Variants in LONRF3 observed in about 807,000 individuals in gnomAD.
LONRF3 encodes LON peptidase N-terminal domain and ring finger 3.
Under a neutral mutation model 51.7 loss-of-function variants are expected in LONRF3, and 19 were observed. The observed-to-expected ratio is 0.37, with a 90% CI of 0.26 to 0.54. The LOEUF (loss-of-function observed/expected upper bound fraction) is 0.54. Ranked by LOEUF, LONRF3 falls within the 20% of genes least tolerant of loss-of-function variation. The pLI is 0.86. For missense variants in LONRF3, 521 were observed against 623.9 expected (o/e 0.84, Z 1.76); for synonymous variants, 265 against 257.8 (o/e 1.03, Z -0.27).
chrX:119,004,355 C>T (rs930975272), intron 5 of LONRF3, among the ~76,000 whole-genome samples: 2 of 112,487 alleles, frequency 1.8e-5, no homozygotes, highest in African/African-American at 6.5e-5. Flanking sequence ...AAAAATATCC[C>T]ATTTCTGCTG....
intron 2 of LONRF3, among the ~76,000 whole-genome samples, chrX:118,981,433 C>T (rs183127586): frequency 4.9e-5 from 5 of 101,676 alleles, no homozygotes; most frequent in African/African-American, 7.4e-5. Flanking sequence ...TGTAGTGAGC[C>T]GAGATCCACC....
At chrX:119,001,460 A>G (rs988541840) in intron 5 of LONRF3, among the ~76,000 whole-genome samples, 4 of 112,489 alleles carry the variant, frequency 3.6e-5, no homozygotes, top group African/African-American at 1.3e-4. Flanking sequence ...TCTCAATAGT[A>G]TAATGAAGCT....
chrX:118,999,507 TGC>T (rs1361088017), intron 5 of LONRF3, among the ~76,000 whole-genome samples: 1 of 112,111 alleles, frequency 8.9e-6, no homozygotes, highest in Admixed American at 9.4e-5. Context: ...GTCTTTGTTG[TGC>T]GTATCCTTCT....
chrX:118,984,018 C>G (rs965925975), intron 3 of LONRF3, among the ~76,000 whole-genome samples: 2 of 111,692 alleles, frequency 1.8e-5, no homozygotes, highest in African/African-American at 6.5e-5. Flanking sequence ...TAAGTGTAGT[C>G]CATGATGTAA....
chrX:119,012,013 T>G, intron 8 of LONRF3, 40 bp downstream of exon 8: 2 of 1,196,715 alleles, frequency 1.7e-6, no homozygotes, highest in Non-Finnish European at 2.3e-6. Flanking sequence ...GGTTGTGTAA[T>G]GAGGGATTTC....
chrX:118,978,556 C>A, intron 2 of LONRF3, 93 bp downstream of exon 2: 1 of 541,897 alleles, frequency 1.8e-6, no homozygotes, highest in Non-Finnish European at 3.1e-6. Context: ...GGCACTAGAG[C>A]TCAAGCAGAA....
At position 119,009,245 on chromosome X, in the gene LONRF3, T is replaced by C. The variant is rs369418280; in HGVS notation, c.1650T>C (p.Ser550=). 6.6e-6 allele frequency: 8 copies of C among 1,204,352 alleles called. No homozygotes were observed. The highest frequency in any genetic ancestry group is 3.0e-5 in the East Asian group (1 of 33,643). The change falls in exon 7 of 11, where the codon TCT becomes TCC. Residue 550 remains serine, a splice_region_variant and synonymous_variant. Coordinates refer to ENST00000371628, the MANE Select transcript of LONRF3 (RefSeq NM_001031855.3). ...ATGAAGAGGAAATGGAAGAACTTTC[T>C]AAGTATGTATATGCATATTTCTGTT... ...KLYEEEMEEL[S]NLNKNVPIFV... is the part of the protein sequence containing the mutation.
chrX:119,006,790 G>A (rs1001217169), intron 6 of LONRF3, among the ~76,000 whole-genome samples: 2 of 110,659 alleles, frequency 1.8e-5, no homozygotes, highest in Admixed American at 1.9e-4. Context: ...GGGTTTCACC[G>A]TGTTAACCAG....
intron 5 of LONRF3, among the ~76,000 whole-genome samples, chrX:118,994,346 G>A (rs1923677549): frequency 9.0e-6 from 1 of 111,161 alleles, no homozygotes; most frequent in African/African-American, 3.3e-5. Flanking sequence ...AAAAAAAGGC[G>A]TTTCATGCAA....
In LONRF3 at chrX:118,986,236, C is replaced by T. The variant is rs1207989412; in HGVS notation, c.1060-3172C>T. On this transcript the variant is annotated intron_variant, in intron 3 of 10. Transcript: ENST00000371628. ...CCAGCAAGAGACTGGAACCTCCTTG[C>T]GCCTAGTACTTAAACTTAACCTAAC... 2.7e-5 allele frequency among the ~76,000 whole-genome samples: 3 copies of T among 111,749 alleles called. No individual in the cohort carries two copies. The Admixed American group carries it at 2.9e-4, about 11-fold the overall frequency.
Position 118,999,865 on chromosome X carries a change from T to A in LONRF3, c.1416-6256T>A, listed in dbSNP as rs180948625. On this transcript the variant is annotated intron_variant, in intron 5 of 10. Transcript: ENST00000371628. ...GTAGCCATTGCATACACTGCTAAGT[T>A]ATAGCTGGCCTCTCACTGCTTGATG... is the stretch of plus-strand genomic sequence containing the variant. 3.6e-5 allele frequency among the ~76,000 whole-genome samples: 4 copies of A among 112,118 alleles called. No individual in the cohort carries two copies. In the East Asian group the frequency reaches 1.1e-3, roughly 32 times the overall value.
intron 4 of LONRF3, 24 bp downstream of exon 4, chrX:118,989,696 G>A: frequency 1.3e-5 from 15 of 1,194,971 alleles, no homozygotes; most frequent in Non-Finnish European, 1.7e-5. Flanking sequence ...CCAGAGAGAA[G>A]GTAGCTTGGA....
intron 2 of LONRF3, 96 bp downstream of exon 2, chrX:118,978,559 A>C: frequency 2.4e-5 from 13 of 532,686 alleles, no homozygotes; most frequent in Non-Finnish European, 4.1e-5. Context: ...ACTAGAGCTC[A>C]AGCAGAACAG....
intron 5 of LONRF3, among the ~76,000 whole-genome samples, chrX:118,995,244 G>C (rs1923787961): frequency 8.9e-6 from 1 of 112,296 alleles, no homozygotes; most frequent in Admixed American, 9.4e-5. Context: ...AATGAGCGTT[G>C]TGTCAAAAAC....
chrX:118,987,773 A>G (rs1000333328), intron 3 of LONRF3, among the ~76,000 whole-genome samples: 4 of 111,078 alleles, frequency 3.6e-5, no homozygotes, highest in Non-Finnish European at 7.5e-5. Flanking sequence ...TATCCTGTGC[A>G]AAGACAACTC....
intron 5 of LONRF3, among the ~76,000 whole-genome samples, chrX:118,992,093 G>A (rs1923470978): frequency 8.9e-6 from 1 of 111,949 alleles, no homozygotes; most frequent in African/African-American, 3.3e-5. Context: ...AAATTAAGAC[G>A]GTTGGCAGGC....
At position 118,996,748 on chromosome X, in the gene LONRF3, C is replaced by T. The variant is rs186822789; in HGVS notation, c.1415+6188C>T. ...CCATCCTGGCTACCACAAAGAAATC[C>T]TGTCTCTACTAAAAATACAAAAAAT... On this transcript the variant is annotated intron_variant, in intron 5 of 10. Transcript: ENST00000371628. 2.4e-3 allele frequency among the ~76,000 whole-genome samples: 259 copies of T among 109,754 alleles called. 1 individual carries two copies. Among genetic ancestry groups the T allele is most frequent in the African/African-American group, 7.9e-3 (239 of 30,202 alleles).
chrX:119,000,875 C>A lies in LONRF3; in HGVS notation c.1416-5246C>A, dbSNP rs1045449511. 1.5e-4 allele frequency among the ~76,000 whole-genome samples: 16 copies of A among 104,293 alleles called. No homozygotes were observed. In the Admixed American group the frequency reaches 1.7e-3, roughly 11 times the overall value. The allele number at this position is 104,293 out of a possible 115,157, so 90.6% of individuals were successfully genotyped here. On this transcript the variant is annotated intron_variant, in intron 5 of 10. Transcript: ENST00000371628. ...TCTCTTCCTCCCTCCCTCTCTCTCC[C>A]TATTTCTCCCTCTCCTTCTCCCCTC...
chrX:118,989,577 C>T lies in LONRF3; in HGVS notation c.1229C>T (p.Ser410Phe), dbSNP rs1053930177. The T allele has an allele frequency of 4.1e-6, 5 of 1,209,275 alleles. No homozygotes were observed. In the African/African-American group the frequency reaches 7.0e-5, roughly 17 times the overall value. ...GATGCTACCTCTCCAAAAGCTGCTTCCAGCAAGACTGGAAAATGCCAGGAA... is the reference window on the plus strand; with the variant it reads ...GATGCTACCTCTCCAAAAGCTGCTTTCAGCAAGACTGGAAAATGCCAGGAA... ...KWDATSPKAA[S>F]SKTGKCQEKK... The change falls in exon 4 of 11, where the codon TCC becomes TTC. Residue 410 changes from serine (S) to phenylalanine (F), a missense_variant. Coordinates refer to ENST00000371628, the MANE Select transcript of LONRF3 (RefSeq NM_001031855.3).
Sources: allele counts gnomAD v4.1 joint callset (sites outside exome capture counted in the v4.1 genomes callset), GRCh38; gene constraint gnomAD v4.1.1; transcripts MANE v1.5; gene names NCBI Gene and HGNC (gene_info 2026-07-23, HGNC 2026-07-21).